Variants in UCN3 observed in about 807,000 individuals in gnomAD.
UCN3 encodes urocortin-3.
In UCN3, 3 loss-of-function variants were observed where a neutral mutation model predicts 3.6. That is an observed-to-expected ratio of 0.83 (90% CI 0.38 to 2.15). The LOEUF (loss-of-function observed/expected upper bound fraction) is 2.15. Ranked by LOEUF, UCN3 falls within the 30% of genes most tolerant of loss-of-function variation. UCN3 has a pLI of 0.06. For synonymous variants in UCN3, 100 were observed against 93.2 expected (o/e 1.07, Z -0.42); for missense variants, 206 against 208.3 (o/e 0.99, Z 0.07).
chr10:5,370,657 GT>G (rs1831383378), intron 1 of UCN3, among the ~76,000 whole-genome samples: 1 of 67,504 alleles, frequency 1.5e-5, no homozygotes, highest in African/African-American at 6.5e-5. Context: ...GTGTGTGTAT[GT>G]GTGTGTATGT....
chr10:5,374,477 G>A lies in UCN3; in HGVS notation c.*271G>A, dbSNP rs1459353752. 8 of 381,156 alleles carry A rather than the reference G, an allele frequency of 2.1e-5. No individual in the cohort carries two copies. The highest frequency in any genetic ancestry group is 6.7e-5 in the South Asian group (2 of 29,908). The allele number at this position is 381,156 out of a possible 1,614,324, so 23.6% of individuals were successfully genotyped here. ...GCTAACGTTCCTCCCTGTACTCAGC[G>A]TCTCCTTCCTCCCTCCCCACAGCAA... On this transcript the variant is annotated 3_prime_UTR_variant, in exon 2 of 2. Transcript: ENST00000380433.
rs1588403919 is a variant in UCN3 at position 5,374,262 on chromosome 10, G to C, written c.*56G>C. 4.7e-6 allele frequency: 2 copies of C among 427,600 alleles called. No homozygotes were observed. The highest frequency in any genetic ancestry group is 3.7e-5 in the Admixed American group (1 of 27,360). 26.5% of individuals were successfully genotyped at this position (427,600 alleles called of 1,614,324 possible). On this transcript the variant is annotated 3_prime_UTR_variant, in exon 2 of 2. Transcript: ENST00000380433. ...TGGGGAGGGGGAGGGGAGGGGGAGG[G>C]GAGGGCGAGGGGGGGAGGGGAGGGG...
At chr10:5,373,611 C>T (rs564426663) in intron 1 of UCN3, 104 bp from the exon 2 acceptor site, 4 of 1,506,982 alleles carry the variant, frequency 2.7e-6, no homozygotes, top group African/African-American at 1.4e-5. Flanking sequence ...TTGGAGAACC[C>T]TTGTAGTGGA....
At position 5,370,235 on chromosome 10, in the gene UCN3, ATGCGTGTGTG is replaced by A. The variant is rs1166823615; in HGVS notation, c.-6-3478_-6-3469del. 1.7e-3 allele frequency among the ~76,000 whole-genome samples: 88 copies of A among 53,076 alleles called. 22 individuals carry two copies. The highest frequency in any genetic ancestry group is 6.0e-3 in the African/African-American group (75 of 12,560). The allele number at this position is 53,076 out of a possible 152,430, so 34.8% of individuals were successfully genotyped here. A position where few individuals can be genotyped will look rare whatever the true frequency, so the allele number is the denominator to read the frequency against. On this transcript the variant is annotated intron_variant, in intron 1 of 1. Transcript: ENST00000380433. ...TATGTGTGTGTATGTGCGTGTGTGT[ATGCGTGTGTG>A]TATGCGTGTGTATATGCGTGTGTAT...
At position 5,369,843 on chromosome 10, in the gene UCN3, G is replaced by A. The variant is rs1015611512; in HGVS notation, c.-6-3872G>A. ...CAGGCTTTGACAGGAAATGTGCTGG[G>A]TAAACATTTATCCACGTGGGTGTGT... On this transcript the variant is annotated intron_variant, in intron 1 of 1. Transcript: ENST00000380433. Among the ~76,000 whole-genome samples the A allele has an allele frequency of 5.3e-5, 8 of 151,084 alleles. 1 individual carries two copies. The highest frequency in any genetic ancestry group is 5.3e-4 in the Admixed American group (8 of 15,216).
Position 5,370,828 on chromosome 10 carries a change from CGT to C in UCN3, c.-6-2879_-6-2878del, listed in dbSNP as rs1187246802. The stretch of plus-strand genomic sequence containing the variant: ...ATGTGTGTGTGCGTGTGTGTGCGCG[CGT>C]GTGTGTGCGCGTGTGTGTGCGCGTG... On this transcript the variant is annotated intron_variant, in intron 1 of 1. Transcript: ENST00000380433. 7.4e-4 allele frequency among the ~76,000 whole-genome samples: 36 copies of C among 48,890 alleles called. 5 individuals are homozygous for C. Among genetic ancestry groups the C allele is most frequent in the East Asian group, 1.6e-3 (2 of 1,250 alleles). The allele number at this position is 48,890 out of a possible 152,430, so 32.1% of individuals were successfully genotyped here.
rs569584523 is a variant in UCN3, at chr10:5,370,955, G to GTT, written c.-6-2760_-6-2759insTT. Among the ~76,000 whole-genome samples, 18 of 109,470 alleles carry GTT rather than the reference G, an allele frequency of 1.6e-4. 1 individual carries two copies. The highest frequency in any genetic ancestry group is 1.3e-3 in the Admixed American group (15 of 11,688). 71.8% of individuals were successfully genotyped at this position (109,470 alleles called of 152,430 possible). On this transcript the variant is annotated intron_variant, in intron 1 of 1. Transcript: ENST00000380433. ...TGTGTGTTCATGTGTATGTGTGTAA[G>GTT]GTGTGTGTGTGTGTATGTATGTACA...
chr10:5,367,098 C>A lies in UCN3; in HGVS notation c.-7+1868C>A, dbSNP rs548551759. On this transcript the variant is annotated intron_variant, in intron 1 of 1. Transcript: ENST00000380433. This position sits in a 1 kb window ranked among gnomAD's most constrained non-coding sequence, Gnocchi z 4.3. ...AAATATAGAGGTAAAAGGGATCTCACTCCCTCTCCCCAATGCCTTGCTTTT... is the reference window on the plus strand; with the variant it reads ...AAATATAGAGGTAAAAGGGATCTCAATCCCTCTCCCCAATGCCTTGCTTTT... 1.9e-3 allele frequency among the ~76,000 whole-genome samples: 286 copies of A among 152,344 alleles called. 1 individual carries two copies. Among genetic ancestry groups the A allele is most frequent in the African/African-American group, 6.6e-3 (274 of 41,580 alleles).
chr10:5,373,123 C>A (rs1320710850), intron 1 of UCN3, among the ~76,000 whole-genome samples: 2 of 152,170 alleles, frequency 1.3e-5, no homozygotes, highest in African/African-American at 4.8e-5. Flanking sequence ...ATAAAGTCTA[C>A]AGTAAAACCA....
Position 5,373,715 on chromosome 10 carries a change from G to A in UCN3, c.-6G>A. 6.2e-7 allele frequency: 1 copy of A among 1,612,612 alleles called. No individual in the cohort carries two copies. The highest frequency in any genetic ancestry group is 8.5e-7 in the Non-Finnish European group (1 of 1,179,032). On this transcript the variant is annotated splice_region_variant and 5_prime_UTR_variant, in exon 2 of 2. Coordinates refer to ENST00000380433, the MANE Select transcript of UCN3 (RefSeq NM_053049.4). ...CCCACATCCCTCTTTTCTGCTGCAG[G>A]GAGAGATGCTGATGCCGGTCCACTT... is the stretch of plus-strand genomic sequence containing the variant.
At chr10:5,369,871 G>GTGTGTGTC (rs1410186192) in intron 1 of UCN3, among the ~76,000 whole-genome samples, 5 of 96,448 alleles carry the variant, frequency 5.2e-5, no homozygotes, top group East Asian at 5.4e-4. Context: ...GGGTGTGTGT[G>GTGTGTGTC]TATATGTGTG....
At chr10:5,370,151 A>ATATGCGTGTGTATGTGTGTGTG (rs1564442427) in intron 1 of UCN3, among the ~76,000 whole-genome samples, 1 of 15,030 alleles carries the variant, frequency 6.7e-5, no homozygotes, top group Non-Finnish European at 1.2e-4. Flanking sequence ...ATGCGTGTGT[A>ATATGCGTGTGTATGTGTGTGTG]TATGTGTGTG....
intron 1 of UCN3, among the ~76,000 whole-genome samples, chr10:5,372,735 T>TG (rs1471537769): frequency 2.2e-4 from 33 of 148,722 alleles, no homozygotes; most frequent in Middle Eastern, 3.5e-3. Flanking sequence ...TTTTTTTTTT[T>TG]GTAGAGATGA....
rs1432479093 is a variant in UCN3, at chr10:5,370,599, GTATGCGTGTGTATATGCGTGTA to G, written c.-6-3102_-6-3081del. 4.0e-5 allele frequency among the ~76,000 whole-genome samples: 3 copies of G among 74,324 alleles called. 1 individual carries two copies. The highest frequency in any genetic ancestry group is 5.1e-5 in the Non-Finnish European group (2 of 38,870). 48.8% of individuals were successfully genotyped at this position (74,324 alleles called of 152,430 possible). On this transcript the variant is annotated intron_variant, in intron 1 of 1. Coordinates refer to ENST00000380433, the MANE Select transcript of UCN3 (RefSeq NM_053049.4). ...TGTATATGTGTGTATATGTGTGTGT[GTATGCGTGTGTATATGCGTGTA>G]TATGCGTGTGTATGTGTGTGTATAT...
At chr10:5,371,620 C>T (rs1269230876) in intron 1 of UCN3, among the ~76,000 whole-genome samples, 2 of 152,088 alleles carry the variant, frequency 1.3e-5, no homozygotes, top group Non-Finnish European at 2.9e-5. Context: ...GAAATGGCCT[C>T]GTCAAGGCCA....
chr10:5,372,050 C>T (rs536672961), intron 1 of UCN3, among the ~76,000 whole-genome samples: 9 of 152,344 alleles, frequency 5.9e-5, no homozygotes, highest in South Asian at 4.1e-4. Flanking sequence ...GGCCCGCAGA[C>T]GGCAGCCGTG....
At chr10:5,371,864 T>G (rs1007567825) in intron 1 of UCN3, among the ~76,000 whole-genome samples, 1 of 152,224 alleles carries the variant, frequency 6.6e-6, no homozygotes, top group Non-Finnish European at 1.5e-5. Flanking sequence ...ACATGTTTCT[T>G]GCTTGCTTTT....
intron 1 of UCN3, among the ~76,000 whole-genome samples, chr10:5,369,913 A>ATATGTGTGTGTATGTGTGTGTGTG (rs1831320811): frequency 2.0e-5 from 2 of 99,706 alleles, no homozygotes; most frequent in Admixed American, 1.0e-4. Flanking sequence ...GTGTGTGTGT[A>ATATGTGTGTGTATGTGTGTGTGTG]TATGTGTGTG....
At chr10:5,371,270 T>C (rs956801277) in intron 1 of UCN3, among the ~76,000 whole-genome samples, 8 of 151,466 alleles carry the variant, frequency 5.3e-5, no homozygotes, top group Non-Finnish European at 1.2e-4. Context: ...TGTGTGCGTG[T>C]ATGTGCATGT....
Sources: allele counts gnomAD v4.1 joint callset (sites outside exome capture counted in the v4.1 genomes callset), GRCh38; gene constraint gnomAD v4.1.1; non-coding constraint Gnocchi (gnomAD v3.1); transcripts MANE v1.5; gene names NCBI Gene and HGNC (gene_info 2026-07-23, HGNC 2026-07-21).